Variants in FBXW7 observed in about 807,000 individuals in gnomAD.
FBXW7 encodes the protein F-box and WD repeat domain containing 7, also known as F-box/WD repeat-containing protein 7.
Under a neutral mutation model 86.3 loss-of-function variants are expected in FBXW7, and 11 were observed. The observed-to-expected ratio is 0.13, with a 90% CI of 0.08 to 0.21. The LOEUF is 0.21. Ranked by LOEUF, FBXW7 falls within the 10% of genes least tolerant of loss-of-function variation. FBXW7 has a pLI of 1.00. For missense variants in FBXW7, 488 were observed against 847.4 expected, an observed-to-expected ratio of 0.58 and a Z score of 5.27; for synonymous variants, 313 against 297.9, an observed-to-expected ratio of 1.05 and a Z score of -0.52.
intron 2 of FBXW7, among the ~76,000 whole-genome samples, chr4:152,532,011 T>A (rs998877719): frequency 6.6e-6 from 1 of 152,194 alleles, no homozygotes; most frequent in African/African-American, 2.4e-5. Flanking sequence ...TTTTAGGTAG[T>A]GTCTCATTCA....
chr4:152,367,616 T>C (rs1733609787), intron 4 of FBXW7, among the ~76,000 whole-genome samples: 1 of 152,128 alleles, frequency 6.6e-6, no homozygotes, highest in African/African-American at 2.4e-5. Context: ...AATAGATACA[T>C]TTCTGGGCAT....
intron 2 of FBXW7, among the ~76,000 whole-genome samples, chr4:152,422,147 A>G (rs1739008047): frequency 1.3e-5 from 2 of 152,114 alleles, no homozygotes; most frequent in Non-Finnish European, 2.9e-5. Context: ...AAAAGTGATA[A>G]CCTGATGCTT....
At chr4:152,349,202 TGA>T in intron 5 of FBXW7, among the ~76,000 whole-genome samples, 1 of 152,112 alleles carries the variant, frequency 6.6e-6, no homozygotes, top group East Asian at 1.9e-4. Flanking sequence ...TGAAATATTT[TGA>T]GAGAAAGGAA....
At chr4:152,365,014 GATA>G (rs1157098300) in intron 4 of FBXW7, among the ~76,000 whole-genome samples, 1 of 152,150 alleles carries the variant, frequency 6.6e-6, no homozygotes, top group Non-Finnish European at 1.5e-5. Flanking sequence ...TAGTGGGCAA[GATA>G]ATGAGACAAA....
At chr4:152,466,185 A>C (rs1743413505) in intron 2 of FBXW7, among the ~76,000 whole-genome samples, 1 of 152,228 alleles carries the variant, frequency 6.6e-6, no homozygotes, top group Non-Finnish European at 1.5e-5. Flanking sequence ...AGGTCAAAAT[A>C]CATGAAATAC....
chr4:152,437,451 T>C (rs1368714124), intron 2 of FBXW7, among the ~76,000 whole-genome samples: 1 of 152,158 alleles, frequency 6.6e-6, no homozygotes, highest in African/African-American at 2.4e-5. Context: ...GAATTAGAAC[T>C]GGAGTTTGAC....
At chr4:152,491,769 A>C (rs960459527) in intron 2 of FBXW7, among the ~76,000 whole-genome samples, 1 of 152,174 alleles carries the variant, frequency 6.6e-6, no homozygotes, top group African/African-American at 2.4e-5. Context: ...ATAGTATACT[A>C]AACTTCCCCA....
chr4:152,423,875 C>G (rs962201228), intron 2 of FBXW7, among the ~76,000 whole-genome samples: 1 of 151,920 alleles, frequency 6.6e-6, no homozygotes, highest in African/African-American at 2.4e-5. Flanking sequence ...AGAGGAGGTT[C>G]TGGAATAGAA....
chr4:152,376,997 G>A (rs969855531), intron 4 of FBXW7, among the ~76,000 whole-genome samples: 2 of 152,060 alleles, frequency 1.3e-5, no homozygotes, highest in African/African-American at 2.4e-5. Context: ...AAGGGACGGT[G>A]CTACAAAAAT....
At chr4:152,491,848 C>T (rs1271012857) in intron 2 of FBXW7, among the ~76,000 whole-genome samples, 2 of 152,180 alleles carry the variant, frequency 1.3e-5, no homozygotes, top group Non-Finnish European at 2.9e-5. Flanking sequence ...CTCCCACTCC[C>T]TGTCACCTAA....
At chr4:152,424,980 C>T (rs951221660) in intron 2 of FBXW7, among the ~76,000 whole-genome samples, 1 of 152,288 alleles carries the variant, frequency 6.6e-6, no homozygotes, top group South Asian at 2.1e-4. Flanking sequence ...TGTTAAAATG[C>T]AGATTCTGAG....
chr4:152,360,522 T>C (rs373507215), intron 4 of FBXW7, among the ~76,000 whole-genome samples: 1 of 152,128 alleles, frequency 6.6e-6, no homozygotes, highest in Admixed American at 6.6e-5. Context: ...CAAAAAGGTA[T>C]AGCTCACTAA....
chr4:152,357,479 C>A (rs1043639692), intron 4 of FBXW7, among the ~76,000 whole-genome samples: 1 of 151,920 alleles, frequency 6.6e-6, no homozygotes, highest in Non-Finnish European at 1.5e-5. Context: ...TGCCACCACA[C>A]CCCACTAATT....
intron 2 of FBXW7, among the ~76,000 whole-genome samples, chr4:152,434,102 G>A (rs905198458): frequency 1.3e-5 from 2 of 152,048 alleles, no homozygotes; most frequent in African/African-American, 4.8e-5. Flanking sequence ...CATATATGTT[G>A]GTTCTGCAGG....
At chr4:152,438,467 C>A (rs1190614934) in intron 2 of FBXW7, among the ~76,000 whole-genome samples, 2 of 152,066 alleles carry the variant, frequency 1.3e-5, no homozygotes, top group African/African-American at 2.4e-5. Context: ...CACTTGAGGT[C>A]AGGAGTTCGA....
intron 4 of FBXW7, among the ~76,000 whole-genome samples, chr4:152,355,824 A>T (rs1001324817): frequency 6.6e-6 from 1 of 152,110 alleles, no homozygotes; most frequent in Non-Finnish European, 1.5e-5. Flanking sequence ...CAACACAAAT[A>T]TATGATGATA....
intron 2 of FBXW7, among the ~76,000 whole-genome samples, chr4:152,502,403 A>C (rs1747038891): frequency 6.6e-6 from 1 of 152,176 alleles, no homozygotes; most frequent in African/African-American, 2.4e-5. Flanking sequence ...GTCAGTAAAA[A>C]TTAACTAATT....
At chr4:152,366,560 G>A (rs1733496679) in intron 4 of FBXW7, among the ~76,000 whole-genome samples, 1 of 152,146 alleles carries the variant, frequency 6.6e-6, no homozygotes, top group Non-Finnish European at 1.5e-5. Context: ...AAAACTAAAT[G>A]TAAATCAAAA....
At chr4:152,504,569 C>T (rs1747239563) in intron 2 of FBXW7, among the ~76,000 whole-genome samples, 1 of 152,118 alleles carries the variant, frequency 6.6e-6, no homozygotes, top group Non-Finnish European at 1.5e-5. Flanking sequence ...TACTAAAAAA[C>T]ATGAACCAGT....
Sources: allele counts gnomAD v4.1 joint callset (sites outside exome capture counted in the v4.1 genomes callset), GRCh38; gene constraint gnomAD v4.1.1; transcripts MANE v1.5; gene names NCBI Gene and HGNC (gene_info 2026-07-23, HGNC 2026-07-21).